PATJ: variants seen among roughly 807,000 people sequenced by gnomAD.
PATJ encodes inaD-like protein.
PATJ carries 190 observed loss-of-function variants against 224.9 expected under a neutral mutation model. The observed-to-expected ratio is 0.84, with a 90% CI of 0.75 to 0.95. The LOEUF is 0.95. Among genes scored for constraint, PATJ ranks in the 40% least tolerant of loss-of-function variants. The probability of loss-of-function intolerance (pLI) is 0.00; values close to 1 mark genes in which losing one functional copy is unlikely to be tolerated. For missense variants in PATJ, 2,121 were observed against 2,270.3 expected, an observed-to-expected ratio of 0.93 and a Z score of 1.34; for synonymous variants, 769 against 820.3, an observed-to-expected ratio of 0.94 and a Z score of 1.07.
At chr1:61,792,070 CAG>C (rs1234753382) in intron 9 of PATJ, among the ~76,000 whole-genome samples, 3 of 151,864 alleles carry the variant, frequency 2.0e-5, no homozygotes, top group South Asian at 4.1e-4. Context: ...TATGAAAATT[CAG>C]AGTTATAAAA....
At position 62,127,986 on chromosome 1, in the gene PATJ, C is replaced by T. The variant is rs1316977508; in HGVS notation, c.5058C>T (p.Ala1686=). 6.2e-7 allele frequency: 1 copy of T among 1,613,884 alleles called. No individual in the cohort carries two copies. Among genetic ancestry groups the T allele is most frequent in the Non-Finnish European group, 8.5e-7 (1 of 1,179,868 alleles). Residue 1686 remains alanine, a synonymous_variant, in exon 40 of 44, where the codon GCC becomes GCT. Coordinates refer to ENST00000642238, the MANE Select transcript of PATJ (RefSeq NM_001350145.3). ...TVEINRELSD[A]LGISIAGGRG... is the part of the protein sequence containing the mutation. ...TCCTTTTTTAGGAGCTCAGTGATGC[C>T]CTTGGAATCAGTATTGCTGGAGGAA...
In PATJ at chr1:62,055,919, T is replaced by C. The variant is rs566009895; in HGVS notation, c.4125+4861T>C. 5.6e-4 allele frequency among the ~76,000 whole-genome samples: 86 copies of C among 152,256 alleles called. 1 individual carries two copies. Among genetic ancestry groups the C allele is most frequent in the African/African-American group, 2.0e-3 (82 of 41,544 alleles). On this transcript the variant is annotated intron_variant, in intron 31 of 43. Transcript: ENST00000642238. ...GCCAGGAGCAAATTCAGTTAAAGTG[T>C]GAAGACCTGAGAACCAGGGGGCTGC...
At position 62,148,295 on chromosome 1, in the gene PATJ, T is replaced by C. The variant is rs1267964420; in HGVS notation, c.5283T>C (p.Asp1761=). The change falls in exon 42 of 44, where the codon GAT becomes GAC. Residue 1761 remains aspartate (D), a synonymous_variant. Coordinates refer to ENST00000642238, the MANE Select transcript of PATJ (RefSeq NM_001350145.3). ...YGRIILQVVA[D]TNISAIAAQL... Reference sequence around the variant, plus strand: ...CACTTTTTCCCCAGGTTGTAGCAGATACCAATATAAGCGCCATAGCAGCTC... The same window carrying C: ...CACTTTTTCCCCAGGTTGTAGCAGACACCAATATAAGCGCCATAGCAGCTC... 6.2e-6 allele frequency: 10 copies of C among 1,613,348 alleles called. No homozygotes were observed. The highest frequency in any genetic ancestry group is 2.2e-5 in the East Asian group (1 of 44,874).
At chr1:61,768,553 T>A (rs1015224104) in intron 4 of PATJ, among the ~76,000 whole-genome samples, 11 of 152,232 alleles carry the variant, frequency 7.2e-5, no homozygotes, top group African/African-American at 2.2e-4. Flanking sequence ...ATGCAGCTGG[T>A]TCTGACAGGC....
chr1:62,059,967 A>T (rs532937940), intron 31 of PATJ, among the ~76,000 whole-genome samples: 1 of 152,300 alleles, frequency 6.6e-6, no homozygotes, highest in Admixed American at 6.5e-5. Context: ...CTGAGAAAAG[A>T]AACAGGAGGA....
At position 62,005,559 on chromosome 1, in the gene PATJ, T is replaced by C. The variant is rs368647536; in HGVS notation, c.3868-12297T>C. Among the ~76,000 whole-genome samples the C allele has an allele frequency of 1.6e-3, 249 of 151,928 alleles. 1 individual carries two copies. Among genetic ancestry groups the C allele is most frequent in the African/African-American group, 5.7e-3 (236 of 41,394 alleles). On this transcript the variant is annotated intron_variant, in intron 28 of 43. Coordinates refer to ENST00000642238, the MANE Select transcript of PATJ (RefSeq NM_001350145.3). ...TTAGAGGATTGCCTGATCCCAAGAG[T>C]TCAGGACCACCCTGGGCAAGATAGC...
chr1:62,098,308 G>C (rs562776741), intron 33 of PATJ, among the ~76,000 whole-genome samples: 1 of 146,748 alleles, frequency 6.8e-6, no homozygotes, highest in African/African-American at 2.6e-5. Flanking sequence ...GCAGTGAGCC[G>C]AGATTGCACG....
intron 11 of PATJ, among the ~76,000 whole-genome samples, chr1:61,798,488 G>A (rs1350955950): frequency 2.0e-5 from 3 of 152,084 alleles, no homozygotes; most frequent in African/African-American, 7.2e-5. Flanking sequence ...TGTTAACCAC[G>A]GTGCCTGGCT....
At chr1:61,823,192 G>GC (rs1292041158) in intron 15 of PATJ, 113 bp downstream of exon 15, 2 of 1,046,562 alleles carry the variant, frequency 1.9e-6, no homozygotes, top group African/African-American at 3.2e-5. Flanking sequence ...TGTAATATGA[G>GC]CCTCTTAGAT....
At chr1:61,988,600 A>G (rs1644892836) in intron 27 of PATJ, among the ~76,000 whole-genome samples, 1 of 152,330 alleles carries the variant, frequency 6.6e-6, no homozygotes, top group East Asian at 1.9e-4. Flanking sequence ...GTTCATTATT[A>G]TTAGTAACAA....
At chr1:62,003,692 C>A (rs1006691798) in intron 28 of PATJ, among the ~76,000 whole-genome samples, 4 of 152,036 alleles carry the variant, frequency 2.6e-5, no homozygotes, top group Admixed American at 2.0e-4. Context: ...AGTCTTTTTT[C>A]ATTATTGTGA....
chr1:61,799,721 C>T (rs997259907), intron 11 of PATJ, among the ~76,000 whole-genome samples: 2 of 152,134 alleles, frequency 1.3e-5, no homozygotes, highest in African/African-American at 4.8e-5. Context: ...CAGCCTCCTT[C>T]ATCCTGGGAT....
chr1:61,795,507 C>T lies in PATJ; in HGVS notation c.1209C>T (p.Gly403=), dbSNP rs778254595. ...TTTATGTGAAAAGTATAATACCTGG[C>T]AGTGCTGCGTACCACAATGGCCACA... ...SGIYVKSIIP[G]SAAYHNGHIQ... Residue 403 remains glycine, a synonymous_variant, in exon 10 of 44, where the codon GGC becomes GGT. Coordinates refer to ENST00000642238, the MANE Select transcript of PATJ (RefSeq NM_001350145.3). 1.9e-6 allele frequency: 3 copies of T among 1,609,450 alleles called. No homozygotes were observed. Among genetic ancestry groups the T allele is most frequent in the East Asian group, 2.2e-5 (1 of 44,764 alleles).
intron 28 of PATJ, chr1:62,013,571 G>A (rs1646581299): frequency 1.1e-6 from 1 of 897,236 alleles, no homozygotes; most frequent in Non-Finnish European, 1.3e-6. Flanking sequence ...GCCCAACAAG[G>A]ACTGACTTTA....
rs1420299801 is a variant in PATJ, at chr1:61,917,754, A to G, written c.3570+3090A>G. ...TCTTTTAAGTTCTCTGAGAGTTTGT[A>G]TAAAAAAAGAAATTATTGGCCAGGT... On this transcript the variant is annotated intron_variant, in intron 26 of 43. Transcript: ENST00000642238. Among the ~76,000 whole-genome samples the G allele has an allele frequency of 2.0e-5, 3 of 152,168 alleles. No individual in the cohort carries two copies. The East Asian group carries it at 5.8e-4, about 29-fold the overall frequency.
intron 42 of PATJ, among the ~76,000 whole-genome samples, chr1:62,148,996 C>T (rs1180990402): frequency 6.6e-6 from 1 of 151,804 alleles, no homozygotes; most frequent in Non-Finnish European, 1.5e-5. Context: ...GGCGTAGTAG[C>T]GGGCACCTGT....
Position 61,805,492 on chromosome 1 carries a change from GA to G in PATJ, c.1598del (p.Asn533ThrfsTer9). On this transcript the variant is annotated frameshift_variant, in exon 13 of 44. Coordinates refer to ENST00000642238, the MANE Select transcript of PATJ (RefSeq NM_001350145.3). LOFTEE classifies it high-confidence loss of function. ...SPENELKSRW[E>X]NLLGPDYEVM... ...AGAAAATGAGCTGAAATCCAGATGG[GA>G]AAACCTGTTGGGTCCTGATTATGAA... The G allele has an allele frequency of 6.2e-7, 1 of 1,606,752 alleles. No individual in the cohort carries two copies. Among genetic ancestry groups the G allele is most frequent in the Non-Finnish European group, 8.5e-7 (1 of 1,173,604 alleles).
At chr1:61,882,642 C>G (rs1266487703) in intron 21 of PATJ, among the ~76,000 whole-genome samples, 3 of 152,140 alleles carry the variant, frequency 2.0e-5, no homozygotes, top group Non-Finnish European at 4.4e-5. Flanking sequence ...GGCTAGAGTA[C>G]AGTGGTGACA....
chr1:62,068,860 A>C (rs1014986951), intron 31 of PATJ, among the ~76,000 whole-genome samples: 2 of 152,184 alleles, frequency 1.3e-5, no homozygotes, highest in Non-Finnish European at 2.9e-5. Flanking sequence ...AGTTTATTTC[A>C]TGAAATGAGA....
Sources: allele counts gnomAD v4.1 joint callset (sites outside exome capture counted in the v4.1 genomes callset), GRCh38; gene constraint gnomAD v4.1.1; transcripts MANE v1.5; gene names NCBI Gene and HGNC (gene_info 2026-07-23, HGNC 2026-07-21).